SCAF4: variants seen among roughly 807,000 people sequenced by gnomAD.
SCAF4 encodes the protein SR-related and CTD-associated factor 4.
In SCAF4, 25 loss-of-function variants were observed where a neutral mutation model predicts 129.8. The observed-to-expected ratio is 0.19, with a 90% CI of 0.14 to 0.27. The LOEUF is 0.27. Ranked by LOEUF, SCAF4 falls within the 10% of genes least tolerant of loss-of-function variation. The probability of loss-of-function intolerance (pLI) is 1.00; values close to 1 mark genes in which losing one functional copy is unlikely to be tolerated. For synonymous variants in SCAF4, 551 were observed against 497.7 expected, an observed-to-expected ratio of 1.11 and a Z score of -1.43; for missense variants, 1,246 against 1,457.1, an observed-to-expected ratio of 0.86 and a Z score of 2.36.
intron 1 of SCAF4, among the ~76,000 whole-genome samples, chr21:31,729,891 T>C (rs568508215): frequency 6.6e-5 from 10 of 152,338 alleles, no homozygotes; most frequent in South Asian, 2.1e-4. Context: ...TCAGGATTAA[T>C]AGAAAATACT....
chr21:31,706,212 A>C, intron 2 of SCAF4, 62 bp downstream of exon 2: 1 of 1,122,562 alleles, frequency 8.9e-7, no homozygotes, highest in Non-Finnish European at 1.3e-6. Context: ...CTCATGTTTA[A>C]AAGTAATAAA....
intron 1 of SCAF4, among the ~76,000 whole-genome samples, chr21:31,722,997 G>C (rs777197114): frequency 6.6e-6 from 1 of 152,000 alleles, no homozygotes; most frequent in Non-Finnish European, 1.5e-5. Flanking sequence ...TACATGGATA[G>C]TATTGTGATT....
chr21:31,712,856 C>T, intron 1 of SCAF4: 2 of 965,662 alleles, frequency 2.1e-6, no homozygotes, highest in Non-Finnish European at 2.5e-6. Context: ...AAAATAAACA[C>T]TGATGGCCTT....
chr21:31,715,488 T>C (rs1399288417), intron 1 of SCAF4, among the ~76,000 whole-genome samples: 1 of 152,202 alleles, frequency 6.6e-6, no homozygotes, highest in African/African-American at 2.4e-5. Flanking sequence ...CTAAAAAAAA[T>C]AGGGCTTAAT....
At chr21:31,675,683 T>G (rs1019953160) in intron 19 of SCAF4, among the ~76,000 whole-genome samples, 1 of 152,180 alleles carries the variant, frequency 6.6e-6, no homozygotes, top group Non-Finnish European at 1.5e-5. Flanking sequence ...TGGCTCTAAG[T>G]GCCTGAATTC....
chr21:31,702,458 G>A (rs1217769026), intron 4 of SCAF4, 79 bp from the exon 5 acceptor site: 1 of 1,277,074 alleles, frequency 7.8e-7, no homozygotes, highest in African/African-American at 1.5e-5. Flanking sequence ...AAAAAGAGAG[G>A]AAAACTCCCT....
intron 4 of SCAF4, 52 bp from the exon 5 acceptor site, chr21:31,702,431 G>A (rs747047034): frequency 2.2e-5 from 33 of 1,482,094 alleles, no homozygotes; most frequent in Admixed American, 6.0e-5. Context: ...ATAAATAACC[G>A]ATTATACTCT....
chr21:31,681,659 A>G (rs1255811057), intron 19 of SCAF4, among the ~76,000 whole-genome samples: 3 of 152,228 alleles, frequency 2.0e-5, no homozygotes, highest in African/African-American at 7.2e-5. Flanking sequence ...AAAATCAAGT[A>G]ATAATTATTG....
At chr21:31,674,671 A>G (rs1331942372) in intron 19 of SCAF4, among the ~76,000 whole-genome samples, 2 of 152,244 alleles carry the variant, frequency 1.3e-5, no homozygotes, top group Non-Finnish European at 2.9e-5. Flanking sequence ...AGCTGGCATT[A>G]GGCATAAACC....
intron 1 of SCAF4, among the ~76,000 whole-genome samples, chr21:31,716,101 T>G (rs1199494285): frequency 6.6e-6 from 1 of 152,156 alleles, no homozygotes; most frequent in Non-Finnish European, 1.5e-5. Flanking sequence ...ATTAGAAGAC[T>G]ATATACTAAT....
Position 31,732,058 on chromosome 21 carries a change from C to T in SCAF4, c.-366G>A. 3 of 423,880 alleles carry T rather than the reference C, an allele frequency of 7.1e-6. No individual in the cohort carries two copies. Among genetic ancestry groups the T allele is most frequent in the Non-Finnish European group, 8.2e-6 (2 of 242,954 alleles). 26.3% of individuals were successfully genotyped at this position (423,880 alleles called of 1,614,324 possible). On this transcript the variant is annotated 5_prime_UTR_variant, in exon 1 of 20. Coordinates refer to ENST00000286835, the MANE Select transcript of SCAF4 (RefSeq NM_020706.2). ...CCGGCCGGCGAGCGGGCGGGCCTCT[C>T]TCTCCCTCTCTCCAGCGGGATGGCG...
intron 14 of SCAF4, 81 bp from the exon 15 acceptor site, chr21:31,691,034 T>C: frequency 8.1e-7 from 1 of 1,239,198 alleles, no homozygotes; most frequent in Non-Finnish European, 1.1e-6. Context: ...TATCATTCTA[T>C]CCATTCCGAC....
chr21:31,672,036 T>A lies in SCAF4; in HGVS notation c.2807A>T (p.Asp936Val). Residue 936 changes from aspartate to valine, a missense_variant, in exon 20 of 20, where the codon GAC (aspartate) becomes GTC (valine). By Grantham distance (152) the Asp-to-Val change is radical (BLOSUM62 -3). Transcript: ENST00000286835. ...GPGPGPGGPEDRDGRQQPPQQ... is the reference protein window; with the variant it reads ...GPGPGPGGPEVRDGRQQPPQQ... Reference sequence around the variant, plus strand: ...CGGCGGCTGTTGCCTTCCGTCTCTGTCTTCAGGACCCCCTGGGCCTGGCCC... The same window carrying A: ...CGGCGGCTGTTGCCTTCCGTCTCTGACTTCAGGACCCCCTGGGCCTGGCCC... The A allele has an allele frequency of 6.2e-7, 1 of 1,613,484 alleles. No homozygotes were observed.
chr21:31,689,385 T>C (rs1165967559), intron 15 of SCAF4, among the ~76,000 whole-genome samples: 4 of 151,434 alleles, frequency 2.6e-5, no homozygotes, highest in African/African-American at 7.3e-5. Flanking sequence ...GCAACCTCTA[T>C]CTTCTGAGTT....
chr21:31,706,051 C>T (rs895254754), intron 2 of SCAF4, among the ~76,000 whole-genome samples: 6 of 152,120 alleles, frequency 3.9e-5, no homozygotes, highest in African/African-American at 7.2e-5. Context: ...GCCTGGGTGG[C>T]GCAGTGAGAC....
chr21:31,685,331 G>T, intron 18 of SCAF4, 67 bp downstream of exon 18: 1 of 1,504,292 alleles, frequency 6.6e-7, no homozygotes, highest in Middle Eastern at 2.0e-4. Context: ...TCCTATTACC[G>T]CTTCACTCTC....
intron 16 of SCAF4, 26 bp downstream of exon 16, chr21:31,688,281 T>A: frequency 3.1e-6 from 5 of 1,601,256 alleles, no homozygotes; most frequent in Non-Finnish European, 4.3e-6. Context: ...GCACTTAAAG[T>A]TTAAGTCATG....
intron 19 of SCAF4, among the ~76,000 whole-genome samples, chr21:31,681,148 A>C (rs2049985664): frequency 6.6e-6 from 1 of 152,174 alleles, no homozygotes. Context: ...TGATCTTACA[A>C]ATACTCAACT....
chr21:31,704,026 G>T, intron 3 of SCAF4, 100 bp from the exon 4 acceptor site: 1 of 672,594 alleles, frequency 1.5e-6, no homozygotes, highest in Non-Finnish European at 2.4e-6. Flanking sequence ...TCCATCCAAT[G>T]ATTGCTTTTG....
Sources: allele counts gnomAD v4.1 joint callset (sites outside exome capture counted in the v4.1 genomes callset), GRCh38; gene constraint gnomAD v4.1.1; transcripts MANE v1.5; gene names NCBI Gene and HGNC (gene_info 2026-07-23, HGNC 2026-07-21).